The following PIKFYVE variants were observed in gnomAD, a reference collection of about 807,000 sequenced individuals.
PIKFYVE encodes 1-phosphatidylinositol 3-phosphate 5-kinase.
In PIKFYVE, 122 loss-of-function variants were observed where a neutral mutation model predicts 257.9. That is an observed-to-expected ratio of 0.47 (90% CI 0.41 to 0.55). The LOEUF (loss-of-function observed/expected upper bound fraction) is 0.55. Among genes scored for constraint, PIKFYVE ranks in the 20% least tolerant of loss-of-function variants. PIKFYVE has a pLI of 0.00. For missense variants in PIKFYVE, 2,160 were observed against 2,536.6 expected (o/e 0.85, Z 3.19); for synonymous variants, 892 against 868.9 (o/e 1.03, Z -0.47).
At chr2:208,320,635 C>T (rs143566403) in intron 17 of PIKFYVE, among the ~76,000 whole-genome samples, 1 of 152,310 alleles carries the variant, frequency 6.6e-6, no homozygotes, top group East Asian at 1.9e-4. Flanking sequence ...ATTTCTCGAA[C>T]TTACCAGATT....
Position 208,321,608 on chromosome 2 carries a change from G to A in PIKFYVE, c.2190+1249G>A, listed in dbSNP as rs182040607. Among the ~76,000 whole-genome samples, 846 of 123,958 alleles carry A rather than the reference G, an allele frequency of 6.8e-3. 4 individuals are homozygous for A. Among genetic ancestry groups the A allele is most frequent in the Non-Finnish European group, 0.011 (671 of 62,954 alleles). The allele number at this position is 123,958 out of a possible 152,430, so 81.3% of individuals were successfully genotyped here. On this transcript the variant is annotated intron_variant, in intron 17 of 41. Transcript: ENST00000264380. ...TTTTTTTTTTTTGAGACGAAGTCTCGCTCTTGTCCCCCAGGCTGGAGCGCA... is the reference window on the plus strand; with the variant it reads ...TTTTTTTTTTTTGAGACGAAGTCTCACTCTTGTCCCCCAGGCTGGAGCGCA...
chr2:208,325,010 T>G lies in PIKFYVE; in HGVS notation c.2431T>G (p.Tyr811Asp). The G allele has an allele frequency of 1.2e-6, 2 of 1,614,130 alleles. No individual in the cohort carries two copies. The highest frequency in any genetic ancestry group is 1.7e-6 in the Non-Finnish European group (2 of 1,179,978). The change falls in exon 19 of 42, where the codon TAT becomes GAT. Residue 811 changes from tyrosine to aspartate, a missense_variant. Physicochemically the swap from Tyr to Asp is radical, Grantham distance 160. Around this residue, in one of 12 missense-constraint regions of PIKFYVE, gnomAD observed 522 missense variants for 514.6 expected, o/e 1.01. Transcript: ENST00000264380. Reference protein sequence around the residue: ...KPHLGTCHKFYMQIFQLPNEQ... With the variant: ...KPHLGTCHKFDMQIFQLPNEQ... The stretch of plus-strand genomic sequence containing the variant: ...ACACCTGGGCACTTGTCACAAATTT[T>G]ATATGCAGATATTTCAGTTGCCTAA...
At chr2:208,297,464 A>AT (rs1693124316) in intron 7 of PIKFYVE, among the ~76,000 whole-genome samples, 1 of 152,190 alleles carries the variant, frequency 6.6e-6, no homozygotes, top group South Asian at 2.1e-4. Flanking sequence ...ACTTTCTTAA[A>AT]TTATTTAAAA....
chr2:208,343,456 G>A (rs1226937824), intron 32 of PIKFYVE, among the ~76,000 whole-genome samples: 1 of 152,182 alleles, frequency 6.6e-6, no homozygotes, highest in Non-Finnish European at 1.5e-5. Context: ...AGATAGTACT[G>A]AACCCTATAA....
At chr2:208,306,729 G>A (rs779706407) in intron 12 of PIKFYVE, among the ~76,000 whole-genome samples, 3 of 151,754 alleles carry the variant, frequency 2.0e-5, no homozygotes, top group Non-Finnish European at 4.4e-5. Context: ...AGAAGCACCT[G>A]CAGTTGACAA....
At chr2:208,271,775 T>C in intron 2 of PIKFYVE, 84 bp downstream of exon 2, 1 of 1,317,554 alleles carries the variant, frequency 7.6e-7, no homozygotes, top group Non-Finnish European at 1.1e-6. Flanking sequence ...ACCATGATCA[T>C]ATAGTGGTTA....
chr2:208,276,672 G>A, intron 3 of PIKFYVE, 40 bp from the exon 4 acceptor site: 1 of 1,392,538 alleles, frequency 7.2e-7, no homozygotes, highest in Non-Finnish European at 1.0e-6. Context: ...TAGATACTAG[G>A]GACTGTTAAC....
chr2:208,330,487 T>C, intron 22 of PIKFYVE, 36 bp from the exon 23 acceptor site: 5 of 1,613,008 alleles, frequency 3.1e-6, no homozygotes, highest in African/African-American at 1.3e-5. Context: ...TTCTGTTTCA[T>C]GCTTAATGTG....
chr2:208,314,253 G>A (rs781493187), intron 13 of PIKFYVE, 41 bp from the exon 14 acceptor site: 21 of 1,592,364 alleles, frequency 1.3e-5, no homozygotes, highest in Non-Finnish European at 1.6e-5. Context: ...GTATAAAACA[G>A]GACAATGAAG....
At chr2:208,293,338 G>GAAAAAGAA (rs1229730341) in intron 7 of PIKFYVE, among the ~76,000 whole-genome samples, 1 of 152,002 alleles carries the variant, frequency 6.6e-6, no homozygotes, top group Non-Finnish European at 1.5e-5. Flanking sequence ...CTAAGAGTAA[G>GAAAAAGAA]AAAAAGAAAA....
At chr2:208,267,416 G>A (rs1037070293) in intron 1 of PIKFYVE, among the ~76,000 whole-genome samples, 3 of 151,440 alleles carry the variant, frequency 2.0e-5, no homozygotes, top group Non-Finnish European at 4.4e-5. Context: ...TCCTTTAAGC[G>A]TGTTGGTCAA....
intron 6 of PIKFYVE, among the ~76,000 whole-genome samples, 200 bp downstream of exon 6, chr2:208,286,133 C>T (rs927586984): frequency 6.6e-6 from 1 of 152,162 alleles, no homozygotes; most frequent in African/African-American, 2.4e-5. Flanking sequence ...AGAATGTAAG[C>T]TCCATGAGAG....
intron 1 of PIKFYVE, among the ~76,000 whole-genome samples, chr2:208,267,244 C>CT (rs56049636): frequency 1 from 152,179 of 152,200 alleles, 76,079 homozygotes; most frequent in Non-Finnish European, 1. Context: ...ATTTGAGCCC[C>CT]TTTTTTGGCA....
chr2:208,298,854 T>C, intron 8 of PIKFYVE, 75 bp downstream of exon 8: 3 of 1,576,602 alleles, frequency 1.9e-6, no homozygotes, highest in Non-Finnish European at 2.6e-6. Flanking sequence ...TCTTTTTTTT[T>C]CTTTTTGAGA....
intron 10 of PIKFYVE, among the ~76,000 whole-genome samples, chr2:208,303,285 GCACA>G (rs56245288): frequency 6.7e-6 from 1 of 149,342 alleles, no homozygotes; most frequent in Non-Finnish European, 1.5e-5. Context: ...ACACACACAG[GCACA>G]CACACACACA....
rs1298916950 is a variant in PIKFYVE at position 208,328,264 on chromosome 2, G to A, written c.3703G>A (p.Ala1235Thr). ...TGCCCAGTCCAGCAATGCTCCTAGTGCCTGTGTCAGTCCTTGGTAGGATTC... is the reference window on the plus strand; with the variant it reads ...TGCCCAGTCCAGCAATGCTCCTAGTACCTGTGTCAGTCCTTGGTAGGATTC... ...SSAQSSNAPS[A>T]CVSPWIVTME... Residue 1235 changes from alanine (A) to threonine (T), a missense_variant, in exon 21 of 42, where the codon GCC (alanine) becomes ACC (threonine). This residue lies in a region of PIKFYVE where 522 missense variants were observed against 514.6 expected (regional missense o/e 1.01). Coordinates refer to ENST00000264380, the MANE Select transcript of PIKFYVE (RefSeq NM_015040.4). 3 of 1,613,636 alleles carry A rather than the reference G, an allele frequency of 1.9e-6. No individual in the cohort carries two copies. Among genetic ancestry groups the A allele is most frequent in the Admixed American group, 1.7e-5 (1 of 59,982 alleles).
rs1700218819 is a variant in PIKFYVE, at chr2:208,357,386, T to C, written c.*2081T>C. ...TCTCCCCCTAGGTGCAATTAGGTTG[T>C]TTCTTTGTTTTTAGTTTCAATTCTA... On this transcript the variant is annotated 3_prime_UTR_variant, in exon 42 of 42. Coordinates refer to ENST00000264380, the MANE Select transcript of PIKFYVE (RefSeq NM_015040.4). 6.6e-6 allele frequency: 1 copy of C among 152,218 alleles called. No homozygotes were observed. Among genetic ancestry groups the C allele is most frequent in the Admixed American group, 6.5e-5 (1 of 15,286 alleles). 9.4% of individuals were successfully genotyped at this position (152,218 alleles called of 1,614,324 possible).
intron 17 of PIKFYVE, among the ~76,000 whole-genome samples, chr2:208,321,560 T>C (rs535873123): frequency 1.2e-4 from 2 of 16,188 alleles, no homozygotes; most frequent in Non-Finnish European, 2.8e-4. Context: ...TTCTTTTTTC[T>C]TTTTCTTTTC....
chr2:208,339,066 C>T (rs1698448885), intron 29 of PIKFYVE, among the ~76,000 whole-genome samples: 1 of 152,014 alleles, frequency 6.6e-6, no homozygotes, highest in African/African-American at 2.4e-5. Flanking sequence ...TTTTTCTCTC[C>T]CAGAATAAGC....
Sources: gnomAD v4.1 joint callset for allele counts (sites outside exome capture counted in the v4.1 genomes callset) on GRCh38, gnomAD v4.1.1 for gene constraint, gnomAD v4.1.1 regional missense constraint, MANE v1.5 for transcripts, NCBI Gene and HGNC (gene_info 2026-07-23, HGNC 2026-07-21) for gene names.